The following CTNNA2 variants were observed in gnomAD, a reference collection of about 807,000 sequenced individuals.
The protein encoded by CTNNA2 is catenin alpha 2, also known as catenin alpha-2.
CTNNA2 carries 42 observed loss-of-function variants against 101.0 expected under a neutral mutation model. The ratio of observed to expected loss-of-function variants is 0.42; its 90% CI spans 0.32 to 0.54. The LOEUF (loss-of-function observed/expected upper bound fraction) is 0.54. Among genes scored for constraint, CTNNA2 ranks in the 20% least tolerant of loss-of-function variants. CTNNA2 has a pLI of 0.14. For synonymous variants in CTNNA2, 450 were observed against 456.4 expected (o/e 0.99, Z 0.18); for missense variants, 871 against 1,223.1 (o/e 0.71, Z 4.29).
rs77155437 is a variant in CTNNA2 at position 79,403,651 on chromosome 2, C to G, written c.-135+29638C>G. On this transcript the variant is annotated intron_variant, in intron 4 of 21. Transcript: ENST00000466387. ...ATAAACATGTCATAGGAGGAAAAGT[C>G]TAACTGGTTATCAAGATTTCCACAT... 9.2e-4 allele frequency among the ~76,000 whole-genome samples: 140 copies of G among 152,010 alleles called. 1 individual carries two copies. Among genetic ancestry groups the G allele is most frequent in the African/African-American group, 3.3e-3 (135 of 41,500 alleles).
chr2:80,426,009 G>A (rs1198771579), intron 9 of CTNNA2, among the ~76,000 whole-genome samples: 1 of 152,152 alleles, frequency 6.6e-6, no homozygotes, highest in East Asian at 1.9e-4. Flanking sequence ...ACTGGGGTGT[G>A]TTGATTAGAA....
At chr2:80,405,073 A>G (rs1014577031) in intron 8 of CTNNA2, among the ~76,000 whole-genome samples, 11 of 152,166 alleles carry the variant, frequency 7.2e-5, no homozygotes, top group African/African-American at 2.4e-4. Flanking sequence ...GGAACTGGGC[A>G]TGTCTCTGGT....
intron 3 of CTNNA2, among the ~76,000 whole-genome samples, chr2:79,805,838 T>C (rs1013847653): frequency 6.6e-6 from 1 of 151,436 alleles, no homozygotes; most frequent in Non-Finnish European, 1.5e-5. Flanking sequence ...CTTGGGAGGC[T>C]GAGGCAGGAG....
chr2:79,763,544 A>G (rs776520468), intron 3 of CTNNA2, among the ~76,000 whole-genome samples: 13 of 152,310 alleles, frequency 8.5e-5, no homozygotes, highest in South Asian at 4.1e-4. Context: ...GGTAGAAGGT[A>G]GAGTATTATT....
At chr2:79,693,269 G>A (rs923029449) in intron 2 of CTNNA2, among the ~76,000 whole-genome samples, 9 of 151,412 alleles carry the variant, frequency 5.9e-5, no homozygotes, top group African/African-American at 2.2e-4. Context: ...AAGTGGATGA[G>A]GCATTCTTTT....
In CTNNA2 at chr2:79,888,793, G is replaced by A. The variant is rs190487409; in HGVS notation, c.852+14451G>A. Among the ~76,000 whole-genome samples the A allele has an allele frequency of 3.3e-3, 499 of 152,124 alleles. 2 individuals are homozygous for A. The highest frequency in any genetic ancestry group is 0.011 in the African/African-American group (472 of 41,514). Reference sequence around the variant, plus strand: ...AGGTCTGATTTCACCTTTATTTCAAGTTAGTACCAAATATAATAATGAATA... The same window carrying A: ...AGGTCTGATTTCACCTTTATTTCAAATTAGTACCAAATATAATAATGAATA... On this transcript the variant is annotated intron_variant, in intron 6 of 18. Transcript: ENST00000402739.
intron 18 of CTNNA2, among the ~76,000 whole-genome samples, chr2:80,644,556 A>AAG (rs1214746867): frequency 8.5e-5 from 13 of 152,196 alleles, no homozygotes; most frequent in African/African-American, 3.1e-4. Flanking sequence ...GAAAGGCATA[A>AAG]AGAAACCCAT....
intron 4 of CTNNA2, among the ~76,000 whole-genome samples, chr2:79,438,061 A>AAACCTCAGATGCTGGGCAGCAGTC (rs757345440): frequency 0.046 from 6,941 of 152,164 alleles, 267 homozygotes; most frequent in East Asian, 0.11. Context: ...AGGCAGCAGC[A>AAACCTCAGATGCTGGGCAGCAGTC]AACCTCAGAT....
At chr2:79,954,281 T>G (rs1459177122) in intron 7 of CTNNA2, among the ~76,000 whole-genome samples, 1 of 152,058 alleles carries the variant, frequency 6.6e-6, no homozygotes, top group Non-Finnish European at 1.5e-5. Context: ...GAGATGAGAG[T>G]TGGGTGGGGA....
intron 2 of CTNNA2, among the ~76,000 whole-genome samples, chr2:79,202,337 T>A (rs986339093): frequency 7.9e-4 from 116 of 145,982 alleles, no homozygotes; most frequent in African/African-American, 2.8e-3. Context: ...GTTTTTTTAT[T>A]TTTTTTATTT....
At chr2:79,685,499 A>C (rs1160220354) in intron 2 of CTNNA2, among the ~76,000 whole-genome samples, 3 of 152,150 alleles carry the variant, frequency 2.0e-5, no homozygotes, top group Non-Finnish European at 4.4e-5. Flanking sequence ...TAGTCACACC[A>C]ACCTCAACAT....
At chr2:79,414,627 T>C (rs1008019674) in intron 4 of CTNNA2, among the ~76,000 whole-genome samples, 1 of 152,086 alleles carries the variant, frequency 6.6e-6, no homozygotes, top group Admixed American at 6.6e-5. Context: ...GCAACGTTTT[T>C]GCCAATTAAA....
intron 2 of CTNNA2, among the ~76,000 whole-genome samples, chr2:79,273,834 GT>G (rs1261574665): frequency 1.3e-5 from 2 of 151,708 alleles, no homozygotes; most frequent in Non-Finnish European, 2.9e-5. Flanking sequence ...TGGGAAAAGG[GT>G]TTTAAGGGAG....
intron 2 of CTNNA2, among the ~76,000 whole-genome samples, chr2:79,743,625 C>T (rs1039909760): frequency 6.6e-6 from 1 of 151,806 alleles, no homozygotes; most frequent in Non-Finnish European, 1.5e-5. Flanking sequence ...CCTCTGCCTC[C>T]CGAGTTCAAG....
intron 15 of CTNNA2, among the ~76,000 whole-genome samples, chr2:80,599,781 GTTTA>G (rs139981538): frequency 2.0e-5 from 3 of 147,710 alleles, no homozygotes; most frequent in Non-Finnish European, 2.9e-5. Flanking sequence ...TTTTTTTAAT[GTTTA>G]TTTATTTTTA....
chr2:79,617,453 A>C (rs974277651), intron 1 of CTNNA2, among the ~76,000 whole-genome samples: 2 of 152,018 alleles, frequency 1.3e-5, no homozygotes, highest in African/African-American at 4.8e-5. Flanking sequence ...GATCAGTTTC[A>C]CCATATCTTC....
chr2:80,051,413 T>C (rs988073931), intron 7 of CTNNA2, among the ~76,000 whole-genome samples: 1 of 152,174 alleles, frequency 6.6e-6, no homozygotes. Context: ...AAGCAAATAA[T>C]AGCAATATGG....
At chr2:79,626,619 A>ATGTGTG (rs71867416) in intron 1 of CTNNA2, among the ~76,000 whole-genome samples, 201 of 142,498 alleles carry the variant, frequency 1.4e-3, no homozygotes, top group African/African-American at 4.7e-3. Flanking sequence ...GTGTGTGTGT[A>ATGTGTG]TGTGTGTGTG....
At chr2:80,579,349 C>G (rs541243459) in intron 13 of CTNNA2, 49 of 152,286 alleles carry the variant, frequency 3.2e-4, no homozygotes, top group African/African-American at 1.1e-3. Context: ...CTGTCATATT[C>G]TGCTTATTTT....
Sources: allele counts gnomAD v4.1 joint callset (sites outside exome capture counted in the v4.1 genomes callset), GRCh38; gene constraint gnomAD v4.1.1; transcripts MANE v1.5; gene names NCBI Gene and HGNC (gene_info 2026-07-23, HGNC 2026-07-21).